Variants in CDH13 observed in about 807,000 individuals in gnomAD.
CDH13 encodes cadherin-13.
A neutral mutation model predicts 63.8 loss-of-function variants in CDH13; 24 were observed. The ratio of observed to expected loss-of-function variants is 0.38; its 90% CI spans 0.27 to 0.53. CDH13 has a LOEUF of 0.53. Ranked by LOEUF, CDH13 falls within the 20% of genes least tolerant of loss-of-function variation. The pLI, the probability that CDH13 is intolerant of heterozygous loss-of-function variation, is 0.85. For synonymous variants in CDH13, 503 were observed against 355.3 expected, an observed-to-expected ratio of 1.42 and a Z score of -4.67; for missense variants, 1,049 against 903.1, an observed-to-expected ratio of 1.16 and a Z score of -2.07.
intron 1 of CDH13, among the ~76,000 whole-genome samples, chr16:82,694,843 T>C (rs1185054865): frequency 6.6e-6 from 1 of 152,130 alleles, no homozygotes; most frequent in Non-Finnish European, 1.5e-5. Context: ...ACAGCTGTGG[T>C]CTCTTCTAGA....
intron 7 of CDH13, among the ~76,000 whole-genome samples, chr16:83,577,991 C>T (rs1322157948): frequency 2.0e-5 from 3 of 152,154 alleles, no homozygotes; most frequent in African/African-American, 7.2e-5. Context: ...AGTTGCATAA[C>T]CTGCCTTTGC....
At chr16:83,584,639 G>A (rs72793492) in intron 7 of CDH13, among the ~76,000 whole-genome samples, 1 of 152,098 alleles carries the variant, frequency 6.6e-6, no homozygotes, top group South Asian at 2.1e-4. Context: ...ATGATCCCTC[G>A]ATAGTGTCCA....
chr16:82,821,833 G>A (rs1597704905), intron 1 of CDH13, among the ~76,000 whole-genome samples: 2 of 152,174 alleles, frequency 1.3e-5, no homozygotes, highest in South Asian at 4.1e-4. Flanking sequence ...GAAAGAAAAT[G>A]GTTTCAGGAG....
intron 1 of CDH13, among the ~76,000 whole-genome samples, chr16:82,693,286 A>G (rs188758743): frequency 1.3e-5 from 2 of 152,282 alleles, no homozygotes; most frequent in East Asian, 3.9e-4. Context: ...GTACCTCTTT[A>G]TTTTAAGCTT....
At chr16:82,873,785 A>C (rs1471210361) in intron 2 of CDH13, among the ~76,000 whole-genome samples, 1 of 152,132 alleles carries the variant, frequency 6.6e-6, no homozygotes, top group Non-Finnish European at 1.5e-5. Flanking sequence ...GTAGTGCTGG[A>C]TGCCCACCAA....
intron 2 of CDH13, among the ~76,000 whole-genome samples, chr16:83,014,636 C>A (rs1196143878): frequency 2.7e-5 from 4 of 148,600 alleles, no homozygotes; most frequent in African/African-American, 9.9e-5. Flanking sequence ...GAGGCTGAGG[C>A]AGGAGAATTG....
chr16:83,727,482 T>C (rs1910545691), intron 10 of CDH13, among the ~76,000 whole-genome samples: 1 of 151,718 alleles, frequency 6.6e-6, no homozygotes, highest in Non-Finnish European at 1.5e-5. Flanking sequence ...TTCTTCTGCT[T>C]GCTTTATTTA....
chr16:83,344,063 T>C (rs1449068396), intron 5 of CDH13, among the ~76,000 whole-genome samples: 1 of 152,164 alleles, frequency 6.6e-6, no homozygotes, highest in Non-Finnish European at 1.5e-5. Flanking sequence ...CCTTTTCTGA[T>C]CAAAATACTC....
intron 1 of CDH13, among the ~76,000 whole-genome samples, chr16:82,645,242 G>A (rs769750997): frequency 2.0e-5 from 3 of 152,178 alleles, no homozygotes; most frequent in Non-Finnish European, 4.4e-5. Flanking sequence ...TGGACCTAGA[G>A]AATGAAAGCC....
chr16:83,765,376 T>C (rs1428905484), intron 11 of CDH13, among the ~76,000 whole-genome samples: 1 of 152,208 alleles, frequency 6.6e-6, no homozygotes, highest in Non-Finnish European at 1.5e-5. Context: ...TACAACAGTT[T>C]AGTTTTACAT....
chr16:83,573,310 G>GT (rs1271960717), intron 7 of CDH13, among the ~76,000 whole-genome samples: 1 of 152,138 alleles, frequency 6.6e-6, no homozygotes, highest in South Asian at 2.1e-4. Flanking sequence ...GTTTAGTACT[G>GT]GTGGGTGTGG....
intron 7 of CDH13, among the ~76,000 whole-genome samples, chr16:83,522,696 A>C (rs1206983749): frequency 6.6e-6 from 1 of 152,152 alleles, no homozygotes; most frequent in Non-Finnish European, 1.5e-5. Flanking sequence ...CAGAGTTCAC[A>C]TCCCTGGGCC....
rs183349172 is a variant in CDH13, at chr16:83,008,549, A to G, written c.158-23461A>G. ...TATGGAGAAGGCTGTAGGTTAGAAC[A>G]GGAACTTTAACTCCTAATTAGGTGG... On this transcript the variant is annotated intron_variant, in intron 2 of 13. Coordinates refer to ENST00000567109, the MANE Select transcript of CDH13 (RefSeq NM_001257.5). Among the ~76,000 whole-genome samples the G allele has an allele frequency of 2.5e-3, 380 of 152,368 alleles. 3 individuals carry two copies. The highest frequency in any genetic ancestry group is 8.5e-3 in the African/African-American group (352 of 41,584).
At chr16:82,728,492 G>T (rs138606156) in intron 1 of CDH13, among the ~76,000 whole-genome samples, 1 of 151,956 alleles carries the variant, frequency 6.6e-6, no homozygotes, top group Non-Finnish European at 1.5e-5. Context: ...CTACAGTTAC[G>T]CTGTAGTCTA....
chr16:83,603,679 C>T (rs1271465823), intron 8 of CDH13, among the ~76,000 whole-genome samples: 2 of 152,156 alleles, frequency 1.3e-5, no homozygotes, highest in Non-Finnish European at 2.9e-5. Flanking sequence ...CTCAAGGCTA[C>T]CCAGGGTGGC....
chr16:82,791,729 C>T (rs1307538960), intron 1 of CDH13, among the ~76,000 whole-genome samples: 1 of 152,194 alleles, frequency 6.6e-6, no homozygotes, highest in East Asian at 1.9e-4. Flanking sequence ...AAAGGCTTGC[C>T]ATTGTTCCCG....
chr16:83,049,961 G>A (rs1313247573), intron 3 of CDH13, among the ~76,000 whole-genome samples: 1 of 152,122 alleles, frequency 6.6e-6, no homozygotes, highest in Non-Finnish European at 1.5e-5. Flanking sequence ...TTAAGATGAT[G>A]CTACAAAAAT....
intron 4 of CDH13, among the ~76,000 whole-genome samples, chr16:83,131,858 A>G (rs980615906): frequency 6.6e-6 from 1 of 152,206 alleles, no homozygotes; most frequent in African/African-American, 2.4e-5. Context: ...AACTGGGCCA[A>G]GTGCTGTTTG....
At chr16:83,417,888 G>C (rs2071600041) in intron 6 of CDH13, among the ~76,000 whole-genome samples, 1 of 152,100 alleles carries the variant, frequency 6.6e-6, no homozygotes, top group Non-Finnish European at 1.5e-5. Flanking sequence ...CAGTCAACTG[G>C]AGAGAGAGAG....
Sources: allele counts gnomAD v4.1 joint callset (sites outside exome capture counted in the v4.1 genomes callset), GRCh38; gene constraint gnomAD v4.1.1; transcripts MANE v1.5; gene names NCBI Gene and HGNC (gene_info 2026-07-23, HGNC 2026-07-21).